CLMP: variants seen among roughly 807,000 people sequenced by gnomAD.
CLMP encodes the protein CXADR-like membrane protein.
A neutral mutation model predicts 45.2 loss-of-function variants in CLMP; 27 were observed. The ratio of observed to expected loss-of-function variants is 0.60; its 90% CI spans 0.44 to 0.82. CLMP has a LOEUF of 0.82. Among genes scored for constraint, CLMP ranks in the 40% least tolerant of loss-of-function variants. The pLI is 0.00. For missense variants in CLMP, 403 were observed against 448.4 expected (o/e 0.90, Z 0.91); for synonymous variants, 167 against 171.4 (o/e 0.97, Z 0.20).
intron 2 of CLMP, among the ~76,000 whole-genome samples, chr11:123,092,988 A>G (rs1591454498): frequency 6.7e-6 from 1 of 148,828 alleles, no homozygotes; most frequent in East Asian, 2.0e-4. Context: ...GCTCACTGCA[A>G]CCTCCTCATC....
Position 123,174,408 on chromosome 11 carries a change from T to C in CLMP, c.28+20505A>G, listed in dbSNP as rs1861673157. Among the ~76,000 whole-genome samples the C allele has an allele frequency of 2.0e-5, 3 of 152,362 alleles. No individual in the cohort carries two copies. In the South Asian group the frequency reaches 6.2e-4, roughly 32 times the overall value. On this transcript the variant is annotated intron_variant, in intron 1 of 6. Coordinates refer to ENST00000448775, the MANE Select transcript of CLMP (RefSeq NM_024769.5). ...GAAGGGATGGCATAGGCAAAGATCA[T>C]CTGGACTAGGCGACATCCTATCCTG...
chr11:123,165,592 G>T (rs1300466844), intron 1 of CLMP, among the ~76,000 whole-genome samples: 1 of 152,078 alleles, frequency 6.6e-6, no homozygotes, highest in Non-Finnish European at 1.5e-5. Context: ...CCATCTTAAA[G>T]TACTGATTCC....
At chr11:123,126,829 G>A (rs1162463843) in intron 1 of CLMP, among the ~76,000 whole-genome samples, 2 of 151,790 alleles carry the variant, frequency 1.3e-5, no homozygotes, top group South Asian at 2.1e-4. Context: ...CCTGGGAGGC[G>A]GAGCTTGCAG....
chr11:123,090,699 T>G (rs959277565), intron 2 of CLMP, among the ~76,000 whole-genome samples: 1 of 152,202 alleles, frequency 6.6e-6, no homozygotes, highest in Non-Finnish European at 1.5e-5. Flanking sequence ...TTAAAAATTG[T>G]TCAGCCCAAT....
chr11:123,074,882 G>GT lies in CLMP; in HGVS notation c.680-40dup, dbSNP rs758308672. 2.1e-5 allele frequency: 34 copies of GT among 1,600,126 alleles called. No individual in the cohort carries two copies. The South Asian group carries it at 3.5e-4, about 17-fold the overall frequency. On this transcript the variant is annotated intron_variant, in intron 5 of 6. Coordinates refer to ENST00000448775, the MANE Select transcript of CLMP (RefSeq NM_024769.5). ...AGCAAAAGCACAAGTAAAACCAAAC[G>GT]TAAGCTAGGAAATATGTTATTAACT...
intron 1 of CLMP, among the ~76,000 whole-genome samples, chr11:123,177,205 A>G (rs1297143950): frequency 1.3e-5 from 2 of 152,224 alleles, no homozygotes; most frequent in Non-Finnish European, 2.9e-5. Flanking sequence ...GTCTGAATTC[A>G]GAGCCCTTCC....
chr11:123,149,719 G>A (rs780207693), intron 1 of CLMP, among the ~76,000 whole-genome samples: 27 of 152,170 alleles, frequency 1.8e-4, no homozygotes, highest in Non-Finnish European at 2.4e-4. Context: ...AACAAGTGGG[G>A]AAATGGGAGA....
At chr11:123,118,991 TTCTTTCTTTCTCTCTC>T (rs1860766656) in intron 1 of CLMP, among the ~76,000 whole-genome samples, 14 of 26,000 alleles carry the variant, frequency 5.4e-4, no homozygotes, top group Non-Finnish European at 7.2e-4. Context: ...CTTTCTTTCT[TTCTTTCTTTCTCTCTC>T]TCTCTCTCTC....
intron 1 of CLMP, among the ~76,000 whole-genome samples, chr11:123,141,216 A>G (rs12807560): frequency 0.45 from 54,440 of 121,132 alleles, 12,738 homozygotes; most frequent in African/African-American, 0.64. Flanking sequence ...ACGAAGTCTC[A>G]CTTTGTCGCC....
chr11:123,097,867 T>G lies in CLMP; in HGVS notation c.114A>C (p.Gln38His). The G allele has an allele frequency of 6.2e-7, 1 of 1,611,256 alleles. No homozygotes were observed. Among genetic ancestry groups the G allele is most frequent in the Non-Finnish European group, 8.5e-7 (1 of 1,178,822 alleles). ...EEKVTLPCHHQLGLPEKDTLD... is the reference protein window; with the variant it reads ...EEKVTLPCHHHLGLPEKDTLD... ...GAGTGTCTTTTTCTGGAAGCCCCAGTTGATGGTGGCAGGGCAAAGTGACCT... is the reference window on the plus strand; with the variant it reads ...GAGTGTCTTTTTCTGGAAGCCCCAGGTGATGGTGGCAGGGCAAAGTGACCT... The change falls in exon 2 of 7, where the codon CAA becomes CAC. Residue 38 changes from glutamine to histidine, a missense_variant. Coordinates refer to ENST00000448775, the MANE Select transcript of CLMP (RefSeq NM_024769.5).
intron 1 of CLMP, among the ~76,000 whole-genome samples, chr11:123,145,894 T>C (rs1310987253): frequency 2.6e-5 from 4 of 152,194 alleles, no homozygotes; most frequent in South Asian, 2.1e-4. Context: ...ACTTTACTTA[T>C]CTCCTCCTGC....
At chr11:123,084,951 AGTATT>A (rs772042007) in intron 2 of CLMP, among the ~76,000 whole-genome samples, 3 of 152,212 alleles carry the variant, frequency 2.0e-5, no homozygotes, top group Admixed American at 6.5e-5. Context: ...TTAGTTATAA[AGTATT>A]ATATTAAATG....
At chr11:123,073,903 C>G in intron 6 of CLMP, 129 bp from the exon 7 acceptor site, 1 of 882,884 alleles carries the variant, frequency 1.1e-6, no homozygotes, top group Non-Finnish European at 1.7e-6. Context: ...CATTTAGGGT[C>G]ATAGGTGCTT....
chr11:123,159,989 A>G (rs371967873), intron 1 of CLMP, among the ~76,000 whole-genome samples: 1 of 152,118 alleles, frequency 6.6e-6, no homozygotes, highest in African/African-American at 2.4e-5. Flanking sequence ...ATTTGTTTCA[A>G]TAATCCCGGC....
intron 5 of CLMP, among the ~76,000 whole-genome samples, 199 bp downstream of exon 5, chr11:123,082,886 T>C (rs1234040883): frequency 2.0e-5 from 3 of 152,118 alleles, no homozygotes; most frequent in Admixed American, 1.3e-4. Flanking sequence ...GGATTACAGG[T>C]GTGAGCCACT....
At chr11:123,091,563 C>T (rs1362595296) in intron 2 of CLMP, among the ~76,000 whole-genome samples, 4 of 152,160 alleles carry the variant, frequency 2.6e-5, no homozygotes, top group Admixed American at 6.5e-5. Context: ...AGACTGTCTC[C>T]GTTATTTTGA....
intron 1 of CLMP, among the ~76,000 whole-genome samples, chr11:123,187,630 G>A (rs909855437): frequency 4.6e-5 from 7 of 152,156 alleles, no homozygotes; most frequent in Non-Finnish European, 1.0e-4. Flanking sequence ...CCTGGGGTGA[G>A]TAGATGGCCA....
At chr11:123,139,991 G>A (rs967195167) in intron 1 of CLMP, among the ~76,000 whole-genome samples, 2 of 152,208 alleles carry the variant, frequency 1.3e-5, no homozygotes, top group Non-Finnish European at 2.9e-5. Flanking sequence ...CGGCCATTAA[G>A]ATTCAGAATA....
chr11:123,083,019 C>T, intron 5 of CLMP, 66 bp downstream of exon 5: 1 of 1,585,798 alleles, frequency 6.3e-7, no homozygotes, highest in Non-Finnish European at 8.6e-7. Flanking sequence ...ATTAGAATGT[C>T]TTAACATTGA....
Sources: gnomAD v4.1 joint callset for allele counts (sites outside exome capture counted in the v4.1 genomes callset) on GRCh38, gnomAD v4.1.1 for gene constraint, MANE v1.5 for transcripts, NCBI Gene and HGNC (gene_info 2026-07-23, HGNC 2026-07-21) for gene names.